Variants in STK10 observed in about 807,000 individuals in gnomAD.
STK10 encodes serine/threonine-protein kinase 10.
STK10 carries 78 observed loss-of-function variants against 113.8 expected under a neutral mutation model. That is an observed-to-expected ratio of 0.69 (90% CI 0.57 to 0.83). The LOEUF (loss-of-function observed/expected upper bound fraction) is 0.83, where lower values mean the gene tolerates loss of function less well. Ranked by LOEUF, STK10 falls within the 40% of genes least tolerant of loss-of-function variation. The pLI is 0.00. For synonymous variants in STK10, 465 were observed against 494.7 expected (o/e 0.94, Z 0.80); for missense variants, 1,109 against 1,280.1 (o/e 0.87, Z 2.04).
At chr5:172,046,531 G>C (rs944214742) in intron 18 of STK10, among the ~76,000 whole-genome samples, 1 of 152,138 alleles carries the variant, frequency 6.6e-6, no homozygotes, top group Non-Finnish European at 1.5e-5. Flanking sequence ...ACTTGCCCAA[G>C]GTTTCACAAC....
intron 15 of STK10, among the ~76,000 whole-genome samples, chr5:172,056,705 T>A (rs955649456): frequency 1.4e-5 from 2 of 144,792 alleles, no homozygotes; most frequent in African/African-American, 5.1e-5. Context: ...CCAACTCTGC[T>A]AAAAAAAAAA....
intron 7 of STK10, among the ~76,000 whole-genome samples, chr5:172,102,501 T>A (rs1294400366): frequency 1.3e-5 from 2 of 151,824 alleles, no homozygotes; most frequent in Non-Finnish European, 2.9e-5. Flanking sequence ...GCTGGGTGCG[T>A]GGAGATGGAG....
chr5:172,087,423 G>T (rs1214763061), intron 10 of STK10, among the ~76,000 whole-genome samples: 1 of 145,314 alleles, frequency 6.9e-6, no homozygotes, highest in Non-Finnish European at 1.5e-5. Context: ...TACAGACGCC[G>T]GCCACCACAG....
intron 10 of STK10, among the ~76,000 whole-genome samples, chr5:172,086,580 C>G (rs1463694254): frequency 1.3e-5 from 2 of 152,156 alleles, no homozygotes; most frequent in South Asian, 2.1e-4. Context: ...TGCCCGGAAG[C>G]CTCATCAGTC....
chr5:172,056,148 C>T (rs1218997498), intron 15 of STK10, among the ~76,000 whole-genome samples: 1 of 152,192 alleles, frequency 6.6e-6, no homozygotes, highest in African/African-American at 2.4e-5. Context: ...TTTCCTTCCC[C>T]TAACACCTAT....
intron 10 of STK10, among the ~76,000 whole-genome samples, chr5:172,084,831 T>C (rs1768516182): frequency 6.6e-6 from 1 of 152,186 alleles, no homozygotes; most frequent in Non-Finnish European, 1.5e-5. Context: ...AAGTCCGAAA[T>C]GTTCCAGTGA....
intron 8 of STK10, among the ~76,000 whole-genome samples, chr5:172,095,610 G>C (rs927392235): frequency 5.3e-5 from 8 of 152,346 alleles, no homozygotes; most frequent in Admixed American, 3.3e-4. Flanking sequence ...TGATGATTCC[G>C]CTTGCCCTGC....
intron 7 of STK10, among the ~76,000 whole-genome samples, chr5:172,097,287 G>A (rs531646355): frequency 2.0e-5 from 3 of 152,286 alleles, no homozygotes; most frequent in East Asian, 3.9e-4. Context: ...TGATCCACCC[G>A]CCTCAGCCTC....
rs11338879 is a variant in STK10 at position 172,130,531 on chromosome 5, C to CA, written c.322-3111dup. 5.1e-3 allele frequency among the ~76,000 whole-genome samples: 596 copies of CA among 117,096 alleles called. 2 individuals carry two copies. Among genetic ancestry groups the CA allele is most frequent in the South Asian group, 0.019 (61 of 3,296 alleles). The allele number at this position is 117,096 out of a possible 152,430, so 76.8% of individuals were successfully genotyped here. On this transcript the variant is annotated intron_variant, in intron 2 of 18. Transcript: ENST00000176763. Reference sequence around the variant, plus strand: ...GGGTGACAGAGCAAGACTCTGTCTCCAAAAAAAAAAAAAACCGAAAAACCC... The same window carrying CA: ...GGGTGACAGAGCAAGACTCTGTCTCCAAAAAAAAAAAAAAACCGAAAAACCC...
intron 10 of STK10, among the ~76,000 whole-genome samples, 192 bp downstream of exon 10, chr5:172,090,040 A>C (rs1477135850): frequency 2.0e-5 from 3 of 151,958 alleles, no homozygotes; most frequent in Admixed American, 2.0e-4. Flanking sequence ...TGAATGGATG[A>C]GTGGATAGAT....
chr5:172,065,292 CTTTTT>C (rs535856789), intron 12 of STK10, among the ~76,000 whole-genome samples: 1 of 123,200 alleles, frequency 8.1e-6, no homozygotes, highest in African/African-American at 3.1e-5. Context: ...TGAAAATGCA[CTTTTT>C]TTTTTTTTTT....
chr5:172,148,243 G>T (rs1005610115), intron 2 of STK10, among the ~76,000 whole-genome samples: 4 of 152,168 alleles, frequency 2.6e-5, no homozygotes, highest in African/African-American at 9.7e-5. Context: ...ACAGGGTGCA[G>T]GCAGATTCCA....
chr5:172,097,211 T>TA (rs1768875648), intron 7 of STK10, among the ~76,000 whole-genome samples: 1 of 152,128 alleles, frequency 6.6e-6, no homozygotes, highest in Non-Finnish European at 1.5e-5. Flanking sequence ...GCTAATTTTT[T>TA]ATATTTTTAG....
intron 14 of STK10, among the ~76,000 whole-genome samples, chr5:172,058,819 G>A (rs1767860990): frequency 6.6e-6 from 1 of 152,126 alleles, no homozygotes; most frequent in Non-Finnish European, 1.5e-5. Context: ...GAACAGGGGA[G>A]GCAGAGGCTG....
In STK10 at chr5:172,133,704, AC is replaced by A. The variant is rs1237579753; in HGVS notation, c.322-6284del. Among the ~76,000 whole-genome samples, 1 of 152,238 alleles carries A rather than the reference AC, an allele frequency of 6.6e-6. No homozygotes were observed. The highest frequency in any genetic ancestry group is 1.5e-5 in the Non-Finnish European group (1 of 68,044). On this transcript the variant is annotated intron_variant, in intron 2 of 18. Coordinates refer to ENST00000176763, the MANE Select transcript of STK10 (RefSeq NM_005990.4). This position sits in a 1 kb window ranked among gnomAD's most constrained non-coding sequence, Gnocchi z 4.9. ...TACACAGAGGAAGACAGAGAGAATC[AC>A]AGGAAAACGGAGAACAAGCCTGCTC...
chr5:172,079,258 G>A (rs1768377809), intron 12 of STK10, among the ~76,000 whole-genome samples: 2 of 152,054 alleles, frequency 1.3e-5, no homozygotes, highest in African/African-American at 4.8e-5. Context: ...CCAGCTCTTT[G>A]AACACTCCAA....
Position 172,134,066 on chromosome 5 carries a change from G to A in STK10, c.322-6645C>T, listed in dbSNP as rs1211455428. Among the ~76,000 whole-genome samples, 4 of 152,278 alleles carry A rather than the reference G, an allele frequency of 2.6e-5. No individual in the cohort carries two copies. The East Asian group carries it at 7.7e-4, about 29-fold the overall frequency. On this transcript the variant is annotated intron_variant, in intron 2 of 18. Coordinates refer to ENST00000176763, the MANE Select transcript of STK10 (RefSeq NM_005990.4). Reference sequence around the variant, plus strand: ...TGCTGCTGCTGTTGCTGGACCCCTGGTCACACTTTGAGAACTACTGCTCAA... The same window carrying A: ...TGCTGCTGCTGTTGCTGGACCCCTGATCACACTTTGAGAACTACTGCTCAA...
Position 172,055,699 on chromosome 5 carries a change from C to T in STK10, c.2415G>A (p.Arg805=). The change falls in exon 16 of 19, where the codon CGG becomes CGA. Residue 805 remains arginine, a synonymous_variant. Coordinates refer to ENST00000176763, the MANE Select transcript of STK10 (RefSeq NM_005990.4). ...LKVRQQQEKA[R]LPKIQRSEGK... ...CCTCACTCCTCTGGATCTTGGGCAG[C>T]CGCGCCTTTTCCTGTTGCTGCCGCA... 2 of 1,583,850 alleles carry T rather than the reference C, an allele frequency of 1.3e-6. No homozygotes were observed. Among genetic ancestry groups the T allele is most frequent in the Non-Finnish European group, 8.6e-7 (1 of 1,162,482 alleles).
intron 3 of STK10, among the ~76,000 whole-genome samples, chr5:172,125,319 T>C (rs1000427681): frequency 7.9e-5 from 12 of 152,340 alleles, no homozygotes; most frequent in Middle Eastern, 3.4e-3. Context: ...CCTGGTGATA[T>C]GCACTTATAC....
Sources: allele counts gnomAD v4.1 joint callset (sites outside exome capture counted in the v4.1 genomes callset), GRCh38; gene constraint gnomAD v4.1.1; non-coding constraint Gnocchi (gnomAD v3.1); transcripts MANE v1.5; gene names NCBI Gene and HGNC (gene_info 2026-07-23, HGNC 2026-07-21).